Variants in CSMD1 observed in about 807,000 individuals in gnomAD.
The protein encoded by CSMD1 is CUB and sushi domain-containing protein 1.
In CSMD1, 213 loss-of-function variants were observed where a neutral mutation model predicts 417.5. The ratio of observed to expected loss-of-function variants is 0.51; its 90% CI spans 0.46 to 0.57. The LOEUF (loss-of-function observed/expected upper bound fraction) is 0.57, where lower values mean the gene tolerates loss of function less well. Among genes scored for constraint, CSMD1 ranks in the 20% least tolerant of loss-of-function variants. CSMD1 has a pLI of 0.00. For synonymous variants in CSMD1, 2,862 were observed against 1,736.8 expected (o/e 1.65, Z -16.11); for missense variants, 6,923 against 4,529.7 (o/e 1.53, Z -15.17).
At chr8:3,188,216 G>GTCTATGTA (rs1796194201) in intron 35 of CSMD1, among the ~76,000 whole-genome samples, 1 of 142,662 alleles carries the variant, frequency 7.0e-6, no homozygotes, top group Non-Finnish European at 1.5e-5. Context: ...TCATCTACAT[G>GTCTATGTA]TCTATCTATC....
At chr8:4,621,461 G>A (rs1333671100) in intron 2 of CSMD1, among the ~76,000 whole-genome samples, 2 of 152,198 alleles carry the variant, frequency 1.3e-5, no homozygotes, top group South Asian at 2.1e-4. Context: ...CAGAGATCAA[G>A]TGGATATCTT....
chr8:3,779,534 G>T (rs890919326), intron 5 of CSMD1, among the ~76,000 whole-genome samples: 2 of 152,132 alleles, frequency 1.3e-5, no homozygotes, highest in Non-Finnish European at 2.9e-5. Flanking sequence ...TCTGCTAAAT[G>T]AGCCATGCAA....
At chr8:3,639,350 G>A (rs541578170) in intron 7 of CSMD1, among the ~76,000 whole-genome samples, 1 of 152,270 alleles carries the variant, frequency 6.6e-6, no homozygotes, top group East Asian at 1.9e-4. Context: ...TGGAGTTTAA[G>A]AGGAAAAAGA....
chr8:3,838,336 G>C (rs188463358), intron 5 of CSMD1, among the ~76,000 whole-genome samples: 56 of 151,894 alleles, frequency 3.7e-4, no homozygotes, highest in African/African-American at 1.2e-3. Flanking sequence ...AGTAGTTCCA[G>C]ACCAGCCTGG....
chr8:4,470,812 G>C (rs181199768), intron 2 of CSMD1, among the ~76,000 whole-genome samples: 53 of 152,226 alleles, frequency 3.5e-4, no homozygotes, highest in African/African-American at 1.3e-3. Context: ...ATTCTTACAG[G>C]TTATCTGAAT....
intron 3 of CSMD1, among the ~76,000 whole-genome samples, chr8:4,372,039 G>A (rs936949953): frequency 1.3e-5 from 2 of 151,174 alleles, no homozygotes; most frequent in African/African-American, 4.8e-5. Context: ...ACAGGTCATG[G>A]CAAGGTCTGG....
chr8:4,328,379 T>A (rs1183659064), intron 3 of CSMD1, among the ~76,000 whole-genome samples: 1 of 151,944 alleles, frequency 6.6e-6, no homozygotes, highest in Non-Finnish European at 1.5e-5. Flanking sequence ...GGAGGCATGA[T>A]TTCTTTTTAT....
At chr8:3,320,236 A>T (rs1806063830) in intron 23 of CSMD1, among the ~76,000 whole-genome samples, 1 of 152,176 alleles carries the variant, frequency 6.6e-6, no homozygotes, top group African/African-American at 2.4e-5. Flanking sequence ...TAGTTTGGAG[A>T]GGGACGGAGG....
chr8:4,695,813 G>T (rs1807090695), intron 1 of CSMD1, among the ~76,000 whole-genome samples: 2 of 152,068 alleles, frequency 1.3e-5, no homozygotes, highest in Admixed American at 6.6e-5. Context: ...TTTTTACCTG[G>T]GCAATTTAAT....
intron 1 of CSMD1, among the ~76,000 whole-genome samples, chr8:4,941,446 T>C (rs988145682): frequency 3.3e-5 from 5 of 152,200 alleles, no homozygotes; most frequent in African/African-American, 7.2e-5. Context: ...AGCCATGTTG[T>C]ACAACAAGTG....
At chr8:3,553,083 C>CCAAT (rs1168219738) in intron 10 of CSMD1, among the ~76,000 whole-genome samples, 1 of 150,192 alleles carries the variant, frequency 6.7e-6, no homozygotes, top group Non-Finnish European at 1.5e-5. Flanking sequence ...ATTCTTAAAA[C>CCAAT]CAATCAACCA....
chr8:3,971,345 C>G (rs1295444722), intron 5 of CSMD1, among the ~76,000 whole-genome samples: 2 of 152,108 alleles, frequency 1.3e-5, no homozygotes, highest in East Asian at 1.9e-4. Context: ...CACATGTGTT[C>G]TCTTTCTGTA....
chr8:4,483,024 G>C (rs189263143), intron 2 of CSMD1, among the ~76,000 whole-genome samples: 1 of 152,086 alleles, frequency 6.6e-6, no homozygotes, highest in South Asian at 2.1e-4. Flanking sequence ...TTGGCTCTGC[G>C]TCCCCACCGA....
intron 3 of CSMD1, among the ~76,000 whole-genome samples, chr8:4,385,825 G>A (rs76875419): frequency 0.015 from 2,208 of 152,194 alleles, 43 homozygotes; most frequent in African/African-American, 0.042. Context: ...AAATTATTTT[G>A]TGTTTCTGGG....
At chr8:4,550,649 T>TA (rs2130561824) in intron 2 of CSMD1, among the ~76,000 whole-genome samples, 1 of 152,320 alleles carries the variant, frequency 6.6e-6, no homozygotes, top group East Asian at 1.9e-4. Context: ...AAAGGATCTC[T>TA]AACAGTTTAC....
At chr8:3,502,782 G>C (rs954151996) in intron 10 of CSMD1, among the ~76,000 whole-genome samples, 9 of 152,312 alleles carry the variant, frequency 5.9e-5, no homozygotes, top group East Asian at 3.9e-4. Context: ...TATAATGGTG[G>C]ACACTGACTT....
chr8:4,150,004 G>C (rs1191324798), intron 3 of CSMD1, among the ~76,000 whole-genome samples: 3 of 152,178 alleles, frequency 2.0e-5, no homozygotes, highest in East Asian at 3.9e-4. Flanking sequence ...GAGACTGATG[G>C]ATGCCTTTAA....
intron 3 of CSMD1, among the ~76,000 whole-genome samples, chr8:4,397,721 A>T (rs1319155937): frequency 6.6e-6 from 1 of 152,050 alleles, no homozygotes; most frequent in Non-Finnish European, 1.5e-5. Context: ...ACTAGATTTG[A>T]ATCTCAAAAT....
chr8:3,876,409 T>G (rs1196297423), intron 5 of CSMD1, among the ~76,000 whole-genome samples: 1 of 152,204 alleles, frequency 6.6e-6, no homozygotes, highest in Admixed American at 6.5e-5. Flanking sequence ...TCTAAAGAAT[T>G]CTGCACTTAG....
Sources: gnomAD v4.1 joint callset for allele counts (sites outside exome capture counted in the v4.1 genomes callset) on GRCh38, gnomAD v4.1.1 for gene constraint, MANE v1.5 for transcripts, NCBI Gene and HGNC (gene_info 2026-07-23, HGNC 2026-07-21) for gene names.